The following COL5A1 variants were observed in gnomAD, a reference collection of about 807,000 sequenced individuals.
The protein encoded by COL5A1 is collagen alpha-1(V) chain.
In COL5A1, 16 loss-of-function variants were observed where a neutral mutation model predicts 263.7. The observed-to-expected ratio is 0.06, with a 90% confidence interval of 0.04 to 0.09. COL5A1 has a LOEUF of 0.09. Ranked by LOEUF, COL5A1 falls within the 10% of genes least tolerant of loss-of-function variation. The pLI is 1.00. For missense variants in COL5A1, 2,036 were observed against 2,540.5 expected, an observed-to-expected ratio of 0.80 and a Z score of 4.27; for synonymous variants, 1,012 against 1,004.5, an observed-to-expected ratio of 1.01 and a Z score of -0.14.
At chr9:134,726,477 G>A (rs375290987) in intron 4 of COL5A1, among the ~76,000 whole-genome samples, 15 of 152,118 alleles carry the variant, frequency 9.9e-5, no homozygotes, top group Admixed American at 6.5e-4. Flanking sequence ...TGGGTGAATG[G>A]GTTGAAGGAT....
At chr9:134,799,074 C>T (rs1041608940) in intron 37 of COL5A1, among the ~76,000 whole-genome samples, 16 of 152,200 alleles carry the variant, frequency 1.1e-4, no homozygotes, top group East Asian at 5.8e-4. Flanking sequence ...TGGAAGTGGC[C>T]TCTAACTAGT....
At chr9:134,838,108 C>T (rs1470146668) in intron 65 of COL5A1, among the ~76,000 whole-genome samples, 6 of 152,162 alleles carry the variant, frequency 3.9e-5, no homozygotes, top group Non-Finnish European at 4.4e-5. Flanking sequence ...GGTCTGGTCC[C>T]GTCAGCCATG....
At chr9:134,793,384 T>G (rs1453807327) in intron 32 of COL5A1, among the ~76,000 whole-genome samples, 8 of 151,112 alleles carry the variant, frequency 5.3e-5, no homozygotes, top group Admixed American at 5.3e-4. Context: ...CTAAGGAGGC[T>G]GGGGGGGGCA....
At chr9:134,770,499 C>T (rs1043478353) in intron 25 of COL5A1, among the ~76,000 whole-genome samples, 12 of 152,066 alleles carry the variant, frequency 7.9e-5, no homozygotes, top group African/African-American at 2.4e-4. Context: ...ACAAATACTC[C>T]GTGACATGAG....
intron 27 of COL5A1, among the ~76,000 whole-genome samples, chr9:134,775,379 C>G (rs1837015536): frequency 6.6e-6 from 1 of 152,274 alleles, no homozygotes; most frequent in African/African-American, 2.4e-5. Context: ...TCTGTCTCCA[C>G]CGATAGCATC....
intron 1 of COL5A1, among the ~76,000 whole-genome samples, chr9:134,685,405 T>G (rs1833011895): frequency 8.1e-6 from 1 of 123,968 alleles, no homozygotes; most frequent in Middle Eastern, 6.2e-3. Context: ...CCACCATCCA[T>G]CCATTAATTC....
At position 134,789,655 on chromosome 9, in the gene COL5A1, C is replaced by T. The variant is rs117619177; in HGVS notation, c.2700+447C>T. 1.8e-4 allele frequency among the ~76,000 whole-genome samples: 27 copies of T among 152,258 alleles called. No homozygotes were observed. In the East Asian group the frequency reaches 4.4e-3, roughly 25 times the overall value. On this transcript the variant is annotated intron_variant, in intron 32 of 65. Transcript: ENST00000371817. The surrounding 1 kb of genome is among the most constrained non-coding windows in gnomAD (Gnocchi z 4.8). ...TCATTTAAATTAACATTAACTTGGA[C>T]GGGATTAGCAAGCTGCCATTGTCAT...
In COL5A1 at chr9:134,830,324, G is replaced by A. The variant is rs3128578; in HGVS notation, c.5136+280G>A. The stretch of plus-strand genomic sequence containing the variant: ...ATCACGTGACAGCAAGACTCAGCTA[G>A]GTGTGGAGTCCTCTCCCCAGCCCCC... On this transcript the variant is annotated intron_variant, in intron 64 of 65. Coordinates refer to ENST00000371817, the MANE Select transcript of COL5A1 (RefSeq NM_000093.5). 471,119 of 780,988 alleles carry A rather than the reference G, an allele frequency of 0.6. 145,650 individuals are homozygous for A. The highest frequency in any genetic ancestry group is 0.65 in the Non-Finnish European group (312,394 of 479,480). The allele number at this position is 780,988 out of a possible 1,614,324, so 48.4% of individuals were successfully genotyped here. A position where few individuals can be genotyped will look rare whatever the true frequency, so the allele number is the denominator to read the frequency against.
rs533814988 is a variant in COL5A1, at chr9:134,840,537, G to A, written c.5371-1620G>A. On this transcript the variant is annotated intron_variant, in intron 65 of 65. Transcript: ENST00000371817. ...TAGCAGCTTAAAACCACAGATGTTC[G>A]TTACGTCACCCCATGTCCGAGGGTC... Among the ~76,000 whole-genome samples the A allele has an allele frequency of 2.1e-3, 317 of 152,324 alleles. 2 individuals are homozygous for A. Among genetic ancestry groups the A allele is most frequent in the South Asian group, 6.0e-3 (29 of 4,830 alleles).
At chr9:134,671,788 G>A (rs945886635) in intron 1 of COL5A1, among the ~76,000 whole-genome samples, 2 of 152,230 alleles carry the variant, frequency 1.3e-5, no homozygotes, top group Non-Finnish European at 2.9e-5. Flanking sequence ...ATCTCCCGGG[G>A]CCAATTTCCT....
chr9:134,818,213 C>T lies in COL5A1; in HGVS notation c.4230+382C>T, dbSNP rs555515024. ...TGTCCGATGGTGACCGTGTCTGCTG[C>T]GGGGCCCGTGCAGAAGATGGGACGC... On this transcript the variant is annotated intron_variant, in intron 54 of 65. Coordinates refer to ENST00000371817, the MANE Select transcript of COL5A1 (RefSeq NM_000093.5). The surrounding 1 kb of genome is among the most constrained non-coding windows in gnomAD (Gnocchi z 6.0). Among the ~76,000 whole-genome samples the T allele has an allele frequency of 2.9e-4, 44 of 152,326 alleles. No homozygotes were observed. The highest frequency in any genetic ancestry group is 1.0e-3 in the African/African-American group (42 of 41,566).
At chr9:134,782,496 G>A (rs1361933159) in intron 28 of COL5A1, 171 bp from the exon 29 acceptor site, 1 of 728,936 alleles carries the variant, frequency 1.4e-6, no homozygotes, top group Non-Finnish European at 2.5e-6. Flanking sequence ...CAGAGCTCAT[G>A]GGAAAGCCAT....
rs1230589028 is a variant in COL5A1, at chr9:134,741,847, T to C, written c.1494+3039T>C. Among the ~76,000 whole-genome samples the C allele has an allele frequency of 6.6e-6, 1 of 152,112 alleles. No individual in the cohort carries two copies. The highest frequency in any genetic ancestry group is 1.5e-5 in the Non-Finnish European group (1 of 68,012). Reference sequence around the variant, plus strand: ...CCCTGCCACTCCCAACCTCCCGCCTTGGGCTTCCCCAGCCCTTCCTCCCTT... The same window carrying C: ...CCCTGCCACTCCCAACCTCCCGCCTCGGGCTTCCCCAGCCCTTCCTCCCTT... On this transcript the variant is annotated intron_variant, in intron 11 of 65. Transcript: ENST00000371817. The surrounding 1 kb of genome is among the most constrained non-coding windows in gnomAD (Gnocchi z 4.5).
intron 1 of COL5A1, among the ~76,000 whole-genome samples, chr9:134,661,520 G>A (rs1003868356): frequency 3.3e-5 from 5 of 151,818 alleles, no homozygotes; most frequent in Non-Finnish European, 4.4e-5. Flanking sequence ...AGGTCAGTAC[G>A]GTTCTCCTGA....
intron 63 of COL5A1, among the ~76,000 whole-genome samples, chr9:134,826,640 GTGGGTGCATGTGGCTGGTGGA>G (rs1349156622): frequency 6.6e-6 from 1 of 151,288 alleles, no homozygotes; most frequent in Non-Finnish European, 1.5e-5. Context: ...TGGATGATGT[GTGGGTGCATGTGGCTGGTGGA>G]TGGGTGTGTG....
intron 1 of COL5A1, among the ~76,000 whole-genome samples, chr9:134,655,204 C>A (rs1002108821): frequency 6.6e-6 from 1 of 151,302 alleles, no homozygotes; most frequent in Non-Finnish European, 1.5e-5. Context: ...TTGTGTTGGG[C>A]CGGGCGTCTG....
intron 11 of COL5A1, among the ~76,000 whole-genome samples, chr9:134,744,245 G>T (rs1011040483): frequency 2.0e-5 from 3 of 152,140 alleles, no homozygotes; most frequent in African/African-American, 7.2e-5. Flanking sequence ...TGGCAGAGCT[G>T]CTCAGAGAGG....
At chr9:134,827,196 C>A (rs1839320253) in intron 63 of COL5A1, among the ~76,000 whole-genome samples, 1 of 152,232 alleles carries the variant, frequency 6.6e-6, no homozygotes, top group African/African-American at 2.4e-5. Flanking sequence ...CAGTTTCCTG[C>A]CAGGGGAAGA....
At chr9:134,811,674 C>T (rs1027152191) in intron 46 of COL5A1, 75 bp downstream of exon 46, 10 of 1,267,392 alleles carry the variant, frequency 7.9e-6, no homozygotes, top group African/African-American at 1.5e-5. Context: ...GCTCTCTCCT[C>T]TTGTCTTTTT....
Sources: allele counts gnomAD v4.1 joint callset (sites outside exome capture counted in the v4.1 genomes callset), GRCh38; gene constraint gnomAD v4.1.1; non-coding constraint Gnocchi (gnomAD v3.1); transcripts MANE v1.5; gene names NCBI Gene and HGNC (gene_info 2026-07-23, HGNC 2026-07-21).